Variants in CNTN3 observed in about 807,000 individuals in gnomAD.
CNTN3 encodes contactin 3, also known as contactin-3.
Under a neutral mutation model 119.1 loss-of-function variants are expected in CNTN3, and 60 were observed. The ratio of observed to expected loss-of-function variants is 0.50; its 90% CI spans 0.41 to 0.62. The LOEUF (loss-of-function observed/expected upper bound fraction) is 0.62, where lower values mean the gene tolerates loss of function less well. Ranked by LOEUF, CNTN3 falls within the 20% of genes least tolerant of loss-of-function variation. CNTN3 has a pLI of 0.00. For synonymous variants in CNTN3, 450 were observed against 438.7 expected (o/e 1.03, Z -0.32); for missense variants, 1,101 against 1,242.4 (o/e 0.89, Z 1.71).
chr3:74,462,177 C>T (rs1575750116), intron 4 of CNTN3, among the ~76,000 whole-genome samples: 1 of 152,144 alleles, frequency 6.6e-6, no homozygotes, highest in East Asian at 1.9e-4. Context: ...TCACTTTCCG[C>T]CATGATTGTA....
chr3:74,571,134 G>A (rs1704326758), intron 1 of CNTN3, among the ~76,000 whole-genome samples: 1 of 152,126 alleles, frequency 6.6e-6, no homozygotes, highest in African/African-American at 2.4e-5. Flanking sequence ...TTATGATATA[G>A]AATGCAATTC....
chr3:74,442,787 C>T (rs9823694), intron 4 of CNTN3, among the ~76,000 whole-genome samples: 67,148 of 151,672 alleles, frequency 0.44, 14,894 homozygotes, highest in East Asian at 0.56. Context: ...AGTTAATTCA[C>T]AGCATGACTC....
At position 74,458,905 on chromosome 3, in the gene CNTN3, A is replaced by C. The variant is rs191361087; in HGVS notation, c.358+27551T>G. Among the ~76,000 whole-genome samples, 59 of 152,184 alleles carry C rather than the reference A, an allele frequency of 3.9e-4. 1 individual carries two copies. Among genetic ancestry groups the C allele is most frequent in the Admixed American group, 3.0e-3 (46 of 15,256 alleles). ...AGCCCTAGAGACTCAACAGAAACAT[A>C]GTTTTCTTTCCATGTATGCTCTCTT... On this transcript the variant is annotated intron_variant, in intron 4 of 22. Transcript: ENST00000263665.
chr3:74,426,327 G>T (rs1246957506), intron 4 of CNTN3, among the ~76,000 whole-genome samples: 1 of 152,152 alleles, frequency 6.6e-6, no homozygotes, highest in Non-Finnish European at 1.5e-5. Context: ...TAGCTCTTAA[G>T]GGCTGATATA....
chr3:74,337,825 A>G (rs1703433414), intron 11 of CNTN3, among the ~76,000 whole-genome samples: 3 of 152,112 alleles, frequency 2.0e-5, no homozygotes, highest in Admixed American at 6.6e-5. Context: ...ACTCAGAAGG[A>G]GATAGACAGG....
intron 5 of CNTN3, among the ~76,000 whole-genome samples, chr3:74,399,187 G>A (rs2106845607): frequency 6.6e-6 from 1 of 152,060 alleles, no homozygotes; most frequent in Admixed American, 6.6e-5. Flanking sequence ...ACAAGTTTGT[G>A]ACATAGGTAA....
At chr3:74,365,759 G>T in intron 8 of CNTN3, 57 bp from the exon 9 acceptor site, 1 of 1,545,174 alleles carries the variant, frequency 6.5e-7, no homozygotes, top group Middle Eastern at 1.9e-4. Flanking sequence ...CAAATAAAAT[G>T]TATTTATTAT....
intron 11 of CNTN3, among the ~76,000 whole-genome samples, chr3:74,348,891 G>A (rs552368602): frequency 1.3e-5 from 2 of 152,002 alleles, no homozygotes; most frequent in South Asian, 2.1e-4. Context: ...AGACCAGCCT[G>A]GGCAACACAC....
chr3:74,267,842 C>T (rs1452915211), intron 20 of CNTN3, among the ~76,000 whole-genome samples: 2 of 151,936 alleles, frequency 1.3e-5, no homozygotes, highest in African/African-American at 4.8e-5. Flanking sequence ...CTTATTTTGA[C>T]GCATACAGAG....
intron 5 of CNTN3, among the ~76,000 whole-genome samples, chr3:74,384,716 T>C (rs1231289910): frequency 6.6e-6 from 1 of 152,204 alleles, no homozygotes; most frequent in Non-Finnish European, 1.5e-5. Flanking sequence ...TGGCAGTTCA[T>C]ATTCTGTTAC....
intron 5 of CNTN3, among the ~76,000 whole-genome samples, chr3:74,379,722 A>G (rs1368686041): frequency 2.6e-5 from 4 of 152,160 alleles, no homozygotes; most frequent in Non-Finnish European, 5.9e-5. Context: ...AGACATCTCA[A>G]GATGAAGAAG....
intron 1 of CNTN3, among the ~76,000 whole-genome samples, chr3:74,589,321 G>T (rs1250935651): frequency 1.4e-4 from 21 of 151,022 alleles, no homozygotes; most frequent in Admixed American, 1.1e-3. Flanking sequence ...CTTCTCAAAA[G>T]AAGACATTTA....
intron 18 of CNTN3, among the ~76,000 whole-genome samples, chr3:74,296,869 ATTT>A (rs565642577): frequency 6.3e-5 from 9 of 142,692 alleles, no homozygotes; most frequent in African/African-American, 2.3e-4. Flanking sequence ...AGTTTCTGCC[ATTT>A]TTTTTTTTTT....
chr3:74,441,241 T>C (rs1701961254), intron 4 of CNTN3, among the ~76,000 whole-genome samples: 1 of 152,116 alleles, frequency 6.6e-6, no homozygotes, highest in Non-Finnish European at 1.5e-5. Context: ...AGTCATATAT[T>C]TTATCATTTT....
Position 74,314,629 on chromosome 3 carries a change from C to A in CNTN3, c.1669-11822G>T, listed in dbSNP as rs1026520292. Among the ~76,000 whole-genome samples, 8 of 152,086 alleles carry A rather than the reference C, an allele frequency of 5.3e-5. No homozygotes were observed. The East Asian group carries it at 5.8e-4, about 11-fold the overall frequency. On this transcript the variant is annotated intron_variant, in intron 13 of 22. Coordinates refer to ENST00000263665, the MANE Select transcript of CNTN3 (RefSeq NM_020872.3). ...TTCTTTACGTGTATTTACCTAACAA[C>A]AGAGCATCAAAATACATAAGGCAAA...
intron 4 of CNTN3, among the ~76,000 whole-genome samples, chr3:74,468,449 C>A (rs1010196476): frequency 6.6e-6 from 1 of 152,020 alleles, no homozygotes; most frequent in Non-Finnish European, 1.5e-5. Context: ...ATGCTCAGTT[C>A]CCAGGCATAT....
intron 10 of CNTN3, among the ~76,000 whole-genome samples, chr3:74,363,142 T>A (rs1216997668): frequency 6.6e-6 from 1 of 152,158 alleles, no homozygotes; most frequent in Non-Finnish European, 1.5e-5. Flanking sequence ...AAGACTTATA[T>A]GCAAACTCCT....
intron 5 of CNTN3, among the ~76,000 whole-genome samples, chr3:74,405,650 A>T (rs1705304794): frequency 6.6e-6 from 1 of 152,078 alleles, no homozygotes; most frequent in African/African-American, 2.4e-5. Flanking sequence ...TCATATTCAC[A>T]AATATGGTTT....
chr3:74,453,846 T>G (rs1702208769), intron 4 of CNTN3, among the ~76,000 whole-genome samples: 1 of 152,174 alleles, frequency 6.6e-6, no homozygotes, highest in South Asian at 2.1e-4. Context: ...TTCTTAATCT[T>G]GAGTTCTAGT....
Sources: allele counts gnomAD v4.1 joint callset (sites outside exome capture counted in the v4.1 genomes callset), GRCh38; gene constraint gnomAD v4.1.1; transcripts MANE v1.5; gene names NCBI Gene and HGNC (gene_info 2026-07-23, HGNC 2026-07-21).